ALG14: variants seen among roughly 807,000 people sequenced by gnomAD.
ALG14 encodes the protein ALG14 UDP-N-acetylglucosaminyltransferase subunit, also known as UDP-N-acetylglucosamine transferase subunit ALG14.
In ALG14, 17 loss-of-function variants were observed where a neutral mutation model predicts 22.8. The ratio of observed to expected loss-of-function variants is 0.75; its 90% CI spans 0.51 to 1.12. The LOEUF (loss-of-function observed/expected upper bound fraction) is 1.12, where lower values mean the gene tolerates loss of function less well. ALG14 is among the 50% of genes most tolerant of loss of function. The probability of loss-of-function intolerance (pLI) is 0.00; values close to 1 mark genes in which losing one functional copy is unlikely to be tolerated. For synonymous variants in ALG14, 89 were observed against 103.7 expected, an observed-to-expected ratio of 0.86 and a Z score of 0.86; for missense variants, 288 against 271.8, an observed-to-expected ratio of 1.06 and a Z score of -0.42.
intron 3 of ALG14, among the ~76,000 whole-genome samples, chr1:94,993,068 A>G (rs1672812907): frequency 6.7e-6 from 1 of 149,806 alleles, no homozygotes; most frequent in Non-Finnish European, 1.5e-5. Flanking sequence ...TGTCACAGGC[A>G]TAGCATTGAC....
intron 1 of ALG14, among the ~76,000 whole-genome samples, chr1:95,069,958 C>T (rs111621410): frequency 1.3e-5 from 2 of 152,254 alleles, no homozygotes; most frequent in African/African-American, 2.4e-5. Flanking sequence ...TTAATCCCAG[C>T]GCTTTGGAAG....
Position 95,003,051 on chromosome 1 carries a change from G to A in ALG14, c.421-19745C>T, listed in dbSNP as rs191667020. On this transcript the variant is annotated intron_variant, in intron 3 of 3. Transcript: ENST00000370205. Reference sequence around the variant, plus strand: ...TAGCTGAAAACAGTGAAATCAGAGCGTTCCAGTTCACGGAGATTAAATGTC... The same window carrying A: ...TAGCTGAAAACAGTGAAATCAGAGCATTCCAGTTCACGGAGATTAAATGTC... 2.9e-3 allele frequency among the ~76,000 whole-genome samples: 442 copies of A among 152,324 alleles called. 4 individuals carry two copies. Among genetic ancestry groups the A allele is most frequent in the African/African-American group, 1.0e-2 (414 of 41,566 alleles).
chr1:95,063,858 T>C (rs1675255772), intron 2 of ALG14, among the ~76,000 whole-genome samples: 1 of 152,240 alleles, frequency 6.6e-6, no homozygotes, highest in Non-Finnish European at 1.5e-5. Context: ...ATTGAATCTA[T>C]AAATTACTTT....
chr1:95,072,421 T>C (rs556653697), intron 1 of ALG14, among the ~76,000 whole-genome samples: 68 of 152,316 alleles, frequency 4.5e-4, no homozygotes, highest in Non-Finnish European at 5.0e-4. Context: ...AAATACGCAA[T>C]ACCTAGATTA....
chr1:94,976,188 C>A lies in ALG14; in HGVS notation c.*6888G>T, dbSNP rs184682151. ...TGTTTAGTGCTCCCTACAACTCTAACGCAGGTACATTATGCTTATTTTACA... is the reference window on the plus strand; with the variant it reads ...TGTTTAGTGCTCCCTACAACTCTAAAGCAGGTACATTATGCTTATTTTACA... On this transcript the variant is annotated 3_prime_UTR_variant, in exon 4 of 4. Coordinates refer to ENST00000370205, the MANE Select transcript of ALG14 (RefSeq NM_144988.4). The A allele has an allele frequency of 6.6e-6, 1 of 152,034 alleles. No individual in the cohort carries two copies. The highest frequency in any genetic ancestry group is 1.9e-4 in the East Asian group (1 of 5,158). The allele number at this position is 152,034 out of a possible 1,614,324, so 9.4% of individuals were successfully genotyped here. A position where few individuals can be genotyped will look rare whatever the true frequency, so the allele number is the denominator to read the frequency against.
intron 2 of ALG14, among the ~76,000 whole-genome samples, chr1:95,028,396 G>A (rs1415042835): frequency 1.3e-5 from 2 of 152,132 alleles, no homozygotes; most frequent in African/African-American, 2.4e-5. Flanking sequence ...ACAGGTTCTC[G>A]CCATGTTGCC....
intron 3 of ALG14, among the ~76,000 whole-genome samples, chr1:95,019,255 C>G (rs936116843): frequency 1.3e-5 from 2 of 152,166 alleles, no homozygotes; most frequent in African/African-American, 4.8e-5. Flanking sequence ...ACTTATAAAT[C>G]TGGTATTCAC....
intron 2 of ALG14, among the ~76,000 whole-genome samples, chr1:95,036,472 G>A (rs1029927439): frequency 7.9e-6 from 1 of 126,444 alleles, no homozygotes; most frequent in African/African-American, 3.2e-5. Flanking sequence ...TGTTGCCCAG[G>A]TTGGGGTGCA....
intron 2 of ALG14, among the ~76,000 whole-genome samples, chr1:95,050,216 G>T (rs1557647881): frequency 6.6e-6 from 1 of 152,164 alleles, no homozygotes; most frequent in Non-Finnish European, 1.5e-5. Context: ...GCTTTAAAAT[G>T]ATCCAGATTT....
At chr1:95,014,767 T>C (rs764424027) in intron 3 of ALG14, among the ~76,000 whole-genome samples, 1 of 152,210 alleles carries the variant, frequency 6.6e-6, no homozygotes, top group East Asian at 1.9e-4. Flanking sequence ...CTTCAAAGAA[T>C]AGCTTTGACA....
chr1:95,049,950 T>G (rs912276226), intron 2 of ALG14, among the ~76,000 whole-genome samples: 1 of 152,232 alleles, frequency 6.6e-6, no homozygotes, highest in Admixed American at 6.5e-5. Context: ...GATAATTCCA[T>G]ATCAGAATAA....
chr1:95,016,942 G>GGGGTGTGT (rs1028840783), intron 3 of ALG14, among the ~76,000 whole-genome samples: 5 of 129,362 alleles, frequency 3.9e-5, no homozygotes, highest in African/African-American at 1.2e-4. Flanking sequence ...TTGCAAAAGG[G>GGGGTGTGT]GTGTGTGTGT....
chr1:95,032,343 C>T (rs1000263993), intron 2 of ALG14, among the ~76,000 whole-genome samples: 2 of 152,102 alleles, frequency 1.3e-5, no homozygotes, highest in African/African-American at 4.8e-5. Context: ...AAGGGCCACT[C>T]TTTAAATGGG....
intron 3 of ALG14, among the ~76,000 whole-genome samples, chr1:95,018,632 A>C (rs1327283451): frequency 6.6e-6 from 1 of 152,190 alleles, no homozygotes; most frequent in African/African-American, 2.4e-5. Flanking sequence ...CTTAAGAATG[A>C]AAGTTTGCCT....
chr1:95,067,873 T>G (rs1440163687), intron 1 of ALG14, among the ~76,000 whole-genome samples: 1 of 152,210 alleles, frequency 6.6e-6, no homozygotes, highest in African/African-American at 2.4e-5. Flanking sequence ...TGACCTCAAC[T>G]ATGTTCCCTC....
intron 3 of ALG14, among the ~76,000 whole-genome samples, chr1:95,006,349 A>G (rs1673219900): frequency 6.6e-6 from 1 of 152,202 alleles, no homozygotes; most frequent in Admixed American, 6.5e-5. Context: ...GGTAGGTTCC[A>G]TTAACTATGA....
chr1:95,052,060 GTTAAATAAGT>G (rs1674769177), intron 2 of ALG14, among the ~76,000 whole-genome samples: 1 of 152,114 alleles, frequency 6.6e-6, no homozygotes, highest in Non-Finnish European at 1.5e-5. Flanking sequence ...ATAAATATTT[GTTAAATAAGT>G]TTGTGAATGC....
chr1:94,999,113 G>GCT (rs1348993865), intron 3 of ALG14, among the ~76,000 whole-genome samples: 2 of 152,010 alleles, frequency 1.3e-5, no homozygotes, highest in Non-Finnish European at 2.9e-5. Context: ...AAAACTCCAT[G>GCT]CTCCAGTCCT....
At chr1:95,059,512 A>C (rs1264422543) in intron 2 of ALG14, among the ~76,000 whole-genome samples, 2 of 150,490 alleles carry the variant, frequency 1.3e-5, no homozygotes, top group African/African-American at 2.4e-5. Flanking sequence ...TCCTCTTTTT[A>C]AGTTTCTTGT....
Sources: allele counts gnomAD v4.1 joint callset (sites outside exome capture counted in the v4.1 genomes callset), GRCh38; gene constraint gnomAD v4.1.1; transcripts MANE v1.5; gene names NCBI Gene and HGNC (gene_info 2026-07-23, HGNC 2026-07-21).